The following ZEB2 variants were observed in gnomAD, a reference collection of about 807,000 sequenced individuals.
The protein encoded by ZEB2 is zinc finger E-box-binding homeobox 2.
Under a neutral mutation model 99.9 loss-of-function variants are expected in ZEB2, and 6 were observed. The ratio of observed to expected loss-of-function variants is 0.06; its 90% CI spans 0.03 to 0.12. The LOEUF is 0.12. Ranked by LOEUF, ZEB2 falls within the 10% of genes least tolerant of loss-of-function variation. The probability of loss-of-function intolerance (pLI) is 1.00; values close to 1 mark genes in which losing one functional copy is unlikely to be tolerated. For synonymous variants in ZEB2, 517 were observed against 542.5 expected (o/e 0.95, Z 0.65); for missense variants, 969 against 1,502.8 (o/e 0.64, Z 5.87).
intron 2 of ZEB2, among the ~76,000 whole-genome samples, chr2:144,457,210 C>T (rs375474965): frequency 3.2e-4 from 49 of 152,152 alleles, no homozygotes; most frequent in African/African-American, 9.4e-4. Context: ...CAGCAGAGCC[C>T]GTTAATAGAC....
Position 144,385,435 on chromosome 2 carries a change from C to CT in ZEB2, c.*4015dup, listed in dbSNP as rs1157384869. 1.3e-5 allele frequency: 2 copies of CT among 152,004 alleles called. No individual in the cohort carries two copies. Among genetic ancestry groups the CT allele is most frequent in the African/African-American group, 4.8e-5 (2 of 41,382 alleles). The allele number at this position is 152,004 out of a possible 1,614,324, so 9.4% of individuals were successfully genotyped here. A position where few individuals can be genotyped will look rare whatever the true frequency, so the allele number is the denominator to read the frequency against. On this transcript the variant is annotated 3_prime_UTR_variant, in exon 10 of 10. Transcript: ENST00000627532. ...GAATTCTTTGGTGTTTTTTCCCCCTCTTTTTTTAGTGCTATGATTGATGAA... is the reference window on the plus strand; with the variant it reads ...GAATTCTTTGGTGTTTTTTCCCCCTCTTTTTTTTAGTGCTATGATTGATGAA...
intron 2 of ZEB2, among the ~76,000 whole-genome samples, chr2:144,443,666 T>C (rs943529542): frequency 3.9e-5 from 6 of 152,208 alleles, no homozygotes; most frequent in Non-Finnish European, 7.3e-5. Flanking sequence ...GTGTTCATTA[T>C]ATTTTTCTCT....
chr2:144,435,980 A>G (rs1331687351), intron 2 of ZEB2, among the ~76,000 whole-genome samples: 5 of 151,672 alleles, frequency 3.3e-5, no homozygotes, highest in Non-Finnish European at 7.4e-5. Context: ...TTGGGTGGGT[A>G]AAGATCATAG....
At chr2:144,515,142 C>A (rs1222066524) in intron 2 of ZEB2, among the ~76,000 whole-genome samples, 2 of 152,034 alleles carry the variant, frequency 1.3e-5, no homozygotes, top group African/African-American at 4.8e-5. Context: ...TTTAAATAGT[C>A]TTCCCTGCAA....
intron 2 of ZEB2, among the ~76,000 whole-genome samples, chr2:144,488,711 T>C (rs977450291): frequency 2.1e-5 from 3 of 142,120 alleles, no homozygotes; most frequent in African/African-American, 2.8e-5. Context: ...GTGATGGGCA[T>C]TGGCTCATGG....
intron 2 of ZEB2, among the ~76,000 whole-genome samples, chr2:144,505,472 T>A (rs755468614): frequency 2.2e-4 from 34 of 152,186 alleles, no homozygotes; most frequent in Non-Finnish European, 4.6e-4. Flanking sequence ...GAGTACTGAT[T>A]CATAAGATTT....
In ZEB2 at chr2:144,443,032, T is replaced by C. The variant is rs946728322; in HGVS notation, c.74-13006A>G. 3.9e-5 allele frequency among the ~76,000 whole-genome samples: 6 copies of C among 152,284 alleles called. No individual in the cohort carries two copies. In the South Asian group the frequency reaches 1.0e-3, roughly 26 times the overall value. ...TTTCTGAAATGTTAATGCAGTCCCT[T>C]ATCAATGTAGATATTTTTCAAGGCC... On this transcript the variant is annotated intron_variant, in intron 2 of 9. Coordinates refer to ENST00000627532, the MANE Select transcript of ZEB2 (RefSeq NM_014795.4).
chr2:144,389,568 G>A lies in ZEB2; in HGVS notation c.3528C>T (p.Pro1176=), dbSNP rs777824571. The A allele has an allele frequency of 2.5e-6, 4 of 1,613,734 alleles. No homozygotes were observed. The highest frequency in any genetic ancestry group is 3.4e-6 in the Non-Finnish European group (4 of 1,179,994). ...TCTCTTCTTCATCTCGTATCGTTTC[G>A]GGATCCGTATCCATACTTTTATTTT... The part of the protein sequence containing the change: ...ESENKSMDTD[P]ETIRDEEETG... Residue 1176 remains proline (P), a synonymous_variant, in exon 10 of 10, where the codon CCC becomes CCT. Transcript: ENST00000627532. The surrounding 1 kb of genome is among the most constrained non-coding windows in gnomAD (Gnocchi z 6.8).
chr2:144,442,427 T>C (rs1703929504), intron 2 of ZEB2, among the ~76,000 whole-genome samples: 1 of 152,114 alleles, frequency 6.6e-6, no homozygotes, highest in Non-Finnish European at 1.5e-5. Context: ...CTCACTAACA[T>C]AGGAAAAGAA....
At chr2:144,512,784 C>G (rs566730235) in intron 2 of ZEB2, 2 of 1,287,046 alleles carry the variant, frequency 1.6e-6, no homozygotes, top group Non-Finnish European at 2.0e-6. Context: ...AGATACATAG[C>G]CCCCAGCCTT....
At chr2:144,411,562 A>T (rs1703465191) in intron 4 of ZEB2, among the ~76,000 whole-genome samples, 1 of 152,194 alleles carries the variant, frequency 6.6e-6, no homozygotes, top group East Asian at 1.9e-4. Flanking sequence ...GAAGAGGATG[A>T]TCTTTTTCTC....
intron 4 of ZEB2, among the ~76,000 whole-genome samples, chr2:144,418,645 A>C (rs1054915837): frequency 6.6e-6 from 1 of 151,822 alleles, no homozygotes; most frequent in African/African-American, 2.4e-5. Flanking sequence ...CCGAAATTGC[A>C]CCATTGCACT....
chr2:144,487,598 A>G (rs1704616787), intron 2 of ZEB2, among the ~76,000 whole-genome samples: 1 of 152,238 alleles, frequency 6.6e-6, no homozygotes, highest in Non-Finnish European at 1.5e-5. Context: ...TTACAATTAT[A>G]TAGAAAGCAA....
rs116034341 is a variant in ZEB2, at chr2:144,513,852, T to C, written c.73+3426A>G. The C allele has an allele frequency of 5.2e-4, 802 of 1,532,846 alleles. 5 individuals carry two copies. In the African/African-American group the frequency reaches 0.01, roughly 19 times the overall value. 95.0% of individuals were successfully genotyped at this position (1,532,846 alleles called of 1,614,324 possible). A position where few individuals can be genotyped will look rare whatever the true frequency, so the allele number is the denominator to read the frequency against. ...GGAAAGAAAAAGGGGGGCTGGGTTT[T>C]CCCCCTCCTCTCCAGCGTCAGTGAA... On this transcript the variant is annotated intron_variant, in intron 2 of 9. Coordinates refer to ENST00000627532, the MANE Select transcript of ZEB2 (RefSeq NM_014795.4).
intron 2 of ZEB2, chr2:144,462,396 C>A (rs1481620507): frequency 1.3e-5 from 2 of 151,952 alleles, no homozygotes; most frequent in African/African-American, 4.8e-5. Context: ...CCAGCAAAAA[C>A]AAAACAAAAA....
rs1703280109 is a variant in ZEB2, at chr2:144,399,603, A to G, written c.1584T>C (p.Tyr528=). 3.1e-6 allele frequency: 5 copies of G among 1,614,184 alleles called. No individual in the cohort carries two copies. The highest frequency in any genetic ancestry group is 2.2e-5 in the East Asian group (1 of 44,882). Residue 528 remains tyrosine (Y), a synonymous_variant, in exon 8 of 10, where the codon TAT becomes TAC. Coordinates refer to ENST00000627532, the MANE Select transcript of ZEB2 (RefSeq NM_014795.4). The surrounding 1 kb of genome is among the most constrained non-coding windows in gnomAD (Gnocchi z 5.6). The part of the protein sequence containing the change: ...HNGATKSIID[Y]TLEKVNEAKA... ...TGGCTTCATTGACTTTTTCCAACGT[A>G]TAGTCAATAATACTTTTAGTGGCAC... is the stretch of plus-strand genomic sequence containing the variant.
intron 2 of ZEB2, among the ~76,000 whole-genome samples, chr2:144,446,043 T>C (rs1409830327): frequency 6.6e-6 from 1 of 152,000 alleles, no homozygotes; most frequent in Non-Finnish European, 1.5e-5. Context: ...GTCTCCCTTC[T>C]TCTCTCTCCC....
At chr2:144,499,055 A>T (rs1398080724) in intron 2 of ZEB2, among the ~76,000 whole-genome samples, 1 of 152,218 alleles carries the variant, frequency 6.6e-6, no homozygotes, top group African/African-American at 2.4e-5. Flanking sequence ...ACAGCAAAAA[A>T]CACGTAGAAT....
intron 4 of ZEB2, 138 bp downstream of exon 4, chr2:144,424,658 C>CA (rs1206992125): frequency 9.6e-7 from 1 of 1,042,882 alleles, no homozygotes; most frequent in Non-Finnish European, 1.5e-6. Flanking sequence ...TGATTTGAAA[C>CA]AAAACCAGAG....
Sources: allele counts gnomAD v4.1 joint callset (sites outside exome capture counted in the v4.1 genomes callset), GRCh38; gene constraint gnomAD v4.1.1; non-coding constraint Gnocchi (gnomAD v3.1); transcripts MANE v1.5; gene names NCBI Gene and HGNC (gene_info 2026-07-23, HGNC 2026-07-21).